The following EPM2A variants were observed in gnomAD, a reference collection of about 807,000 sequenced individuals.
EPM2A encodes EPM2A glucan phosphatase, laforin.
Under a neutral mutation model 26.5 loss-of-function variants are expected in EPM2A, and 21 were observed. The observed-to-expected ratio is 0.79, with a 90% CI of 0.56 to 1.14. The LOEUF (loss-of-function observed/expected upper bound fraction) is 1.14. Among genes scored for constraint, EPM2A ranks in the 50% most tolerant of loss-of-function variants. The pLI is 0.00. For synonymous variants in EPM2A, 217 were observed against 177.6 expected (o/e 1.22, Z -1.76); for missense variants, 458 against 440.8 (o/e 1.04, Z -0.35).
chr6:145,440,691 A>G (rs1162262474), intron 4 of EPM2A, among the ~76,000 whole-genome samples: 1 of 152,230 alleles, frequency 6.6e-6, no homozygotes, highest in Non-Finnish European at 1.5e-5. Context: ...AAGGGGCTAA[A>G]GACCCCATGC....
intron 2 of EPM2A, among the ~76,000 whole-genome samples, chr6:145,605,838 AT>A (rs2128551019): frequency 6.6e-6 from 1 of 152,290 alleles, no homozygotes; most frequent in East Asian, 1.9e-4. Flanking sequence ...AGTAGAAATA[AT>A]TCAAAAAATG....
chr6:145,629,251 C>T (rs1776065065), intron 3 of EPM2A: 1 of 152,350 alleles, frequency 6.6e-6, no homozygotes, highest in South Asian at 2.1e-4. Context: ...TGCCTGGTCC[C>T]CAAGGGCATT....
chr6:145,539,593 A>C (rs183212463), intron 2 of EPM2A, among the ~76,000 whole-genome samples: 1 of 152,296 alleles, frequency 6.6e-6, no homozygotes, highest in African/African-American at 2.4e-5. Context: ...TCTTTCCAAA[A>C]CACTTCAAGC....
At chr6:145,463,801 G>A (rs1287895684) in intron 4 of EPM2A, among the ~76,000 whole-genome samples, 6 of 152,092 alleles carry the variant, frequency 3.9e-5, no homozygotes, top group African/African-American at 1.4e-4. Context: ...AAGACTGCAC[G>A]TTAAATTTTT....
intron 4 of EPM2A, among the ~76,000 whole-genome samples, chr6:145,438,311 G>T (rs1171874068): frequency 6.6e-6 from 1 of 152,032 alleles, no homozygotes; most frequent in Non-Finnish European, 1.5e-5. Flanking sequence ...TATTCTCCCT[G>T]TCCTGCTAAC....
At chr6:145,713,093 T>C (rs1055034201) in intron 1 of EPM2A, among the ~76,000 whole-genome samples, 2 of 152,184 alleles carry the variant, frequency 1.3e-5, no homozygotes, top group African/African-American at 4.8e-5. Context: ...TTTCCACAAA[T>C]TTTTTAAGCT....
chr6:145,571,008 T>C (rs925488160), intron 2 of EPM2A, among the ~76,000 whole-genome samples: 2 of 152,230 alleles, frequency 1.3e-5, no homozygotes, highest in African/African-American at 4.8e-5. Context: ...TGTTGTTGTG[T>C]CTCCTGGTGG....
At chr6:145,720,292 T>C (rs1290437372) in intron 1 of EPM2A, among the ~76,000 whole-genome samples, 1 of 152,156 alleles carries the variant, frequency 6.6e-6, no homozygotes, top group Admixed American at 6.6e-5. Context: ...ACATGAGACA[T>C]TGTCAAAACT....
At chr6:145,547,110 G>A (rs990666520) in intron 2 of EPM2A, among the ~76,000 whole-genome samples, 1 of 152,034 alleles carries the variant, frequency 6.6e-6, no homozygotes, top group African/African-American at 2.4e-5. Context: ...TTTTCACCTG[G>A]ACTTGCTGAC....
intron 2 of EPM2A, among the ~76,000 whole-genome samples, chr6:145,572,926 C>T (rs1473686497): frequency 2.0e-5 from 3 of 152,180 alleles, no homozygotes. Context: ...AGTAGGCACG[C>T]TAGGCGTTAT....
At chr6:145,446,349 AG>A (rs1212353842) in intron 4 of EPM2A, among the ~76,000 whole-genome samples, 1 of 152,246 alleles carries the variant, frequency 6.6e-6, no homozygotes, top group African/African-American at 2.4e-5. Flanking sequence ...ATGTAGCAAA[AG>A]TAACTGAAAC....
chr6:145,471,251 C>A (rs9497316), intron 4 of EPM2A, among the ~76,000 whole-genome samples: 68,024 of 151,904 alleles, frequency 0.45, 15,894 homozygotes, highest in Non-Finnish European at 0.52. Context: ...GGCACTTTTT[C>A]TTGAGTCAGT....
intron 2 of EPM2A, among the ~76,000 whole-genome samples, chr6:145,608,948 A>C (rs1221748178): frequency 6.6e-6 from 1 of 152,204 alleles, no homozygotes; most frequent in African/African-American, 2.4e-5. Context: ...CTACTCAGGA[A>C]ATTGTTTATT....
chr6:145,539,387 G>A (rs1282916580), intron 2 of EPM2A, among the ~76,000 whole-genome samples: 1 of 152,142 alleles, frequency 6.6e-6, no homozygotes. Flanking sequence ...GTACAGAGAA[G>A]AGATCCACCA....
At chr6:145,466,500 C>A (rs1410806368) in intron 4 of EPM2A, among the ~76,000 whole-genome samples, 8 of 152,020 alleles carry the variant, frequency 5.3e-5, no homozygotes, top group Admixed American at 5.2e-4. Context: ...ACAACAGGTG[C>A]TGGAGAGGAT....
intron 4 of EPM2A, among the ~76,000 whole-genome samples, chr6:145,426,551 A>G (rs1366638247): frequency 1.3e-5 from 2 of 152,220 alleles, no homozygotes; most frequent in African/African-American, 4.8e-5. Context: ...ATGTCAAAAC[A>G]TATAAAACTA....
At chr6:145,501,100 A>G (rs1055321314), downstream of EPM2A, among the ~76,000 whole-genome samples, 9 of 152,198 alleles carry the variant, frequency 5.9e-5, no homozygotes, top group African/African-American at 2.2e-4. Flanking sequence ...TGTGGAGAGG[A>G]GAGGAGAGGA....
chr6:145,643,030 G>A (rs1044541320), intron 2 of EPM2A, among the ~76,000 whole-genome samples: 11 of 152,216 alleles, frequency 7.2e-5, no homozygotes, highest in African/African-American at 2.2e-4. Flanking sequence ...AAGACCTTTC[G>A]GATGGTGATG....
In EPM2A at chr6:145,639,340, C is replaced by G. The variant is rs1368640879; in HGVS notation, c.477-3854G>C. 2.0e-5 allele frequency: 3 copies of G among 152,158 alleles called. No homozygotes were observed. The East Asian group carries it at 5.8e-4, about 29-fold the overall frequency. 9.4% of individuals were successfully genotyped at this position (152,158 alleles called of 1,614,324 possible). A position where few individuals can be genotyped will look rare whatever the true frequency, so the allele number is the denominator to read the frequency against. ...CAGCTCAGGACAGAAGTTTTCAAAC[C>G]TGGCTATGCATTCAAGTCACATGAG... On this transcript the variant is annotated intron_variant, in intron 2 of 3. Transcript: ENST00000367519.
Sources: allele counts gnomAD v4.1 joint callset (sites outside exome capture counted in the v4.1 genomes callset), GRCh38; gene constraint gnomAD v4.1.1; transcripts MANE v1.5; gene names NCBI Gene and HGNC (gene_info 2026-07-23, HGNC 2026-07-21).